The following FRMD4A variants were observed in gnomAD, a reference collection of about 807,000 sequenced individuals.
FRMD4A encodes the protein FERM domain containing 4A.
In FRMD4A, 29 loss-of-function variants were observed where a neutral mutation model predicts 129.1. That is an observed-to-expected ratio of 0.22 (90% CI 0.17 to 0.31). The LOEUF (loss-of-function observed/expected upper bound fraction) is 0.31, where lower values mean the gene tolerates loss of function less well. Among genes scored for constraint, FRMD4A ranks in the 10% least tolerant of loss-of-function variants. The probability of loss-of-function intolerance (pLI) is 1.00; values close to 1 mark genes in which losing one functional copy is unlikely to be tolerated. For synonymous variants in FRMD4A, 634 were observed against 571.6 expected, an observed-to-expected ratio of 1.11 and a Z score of -1.56; for missense variants, 1,272 against 1,375.8, an observed-to-expected ratio of 0.92 and a Z score of 1.19.
intron 2 of FRMD4A, among the ~76,000 whole-genome samples, chr10:14,161,543 T>G (rs374693443): frequency 3.8e-4 from 58 of 152,300 alleles, no homozygotes; most frequent in African/African-American, 1.3e-3. Flanking sequence ...ACGGAGGTCA[T>G]TATGAAATAA....
chr10:14,150,585 G>T (rs1422175317), intron 2 of FRMD4A, among the ~76,000 whole-genome samples: 1 of 152,096 alleles, frequency 6.6e-6, no homozygotes, highest in Non-Finnish European at 1.5e-5. Flanking sequence ...AGTTCCTAAA[G>T]ATTTCACTCA....
At chr10:14,082,295 C>G (rs1276979259) in intron 2 of FRMD4A, among the ~76,000 whole-genome samples, 1 of 152,116 alleles carries the variant, frequency 6.6e-6, no homozygotes, top group Non-Finnish European at 1.5e-5. Flanking sequence ...ATAGCCCAGG[C>G]TTGGATTCTG....
chr10:14,240,076 T>C (rs1462331022), intron 2 of FRMD4A, among the ~76,000 whole-genome samples: 1 of 152,208 alleles, frequency 6.6e-6, no homozygotes, highest in Non-Finnish European at 1.5e-5. Flanking sequence ...CTATTGATAA[T>C]AGAGTCTACT....
At chr10:13,789,746 T>C (rs1312538683) in intron 5 of FRMD4A, among the ~76,000 whole-genome samples, 3 of 134,026 alleles carry the variant, frequency 2.2e-5, no homozygotes, top group African/African-American at 8.1e-5. Flanking sequence ...TGGTCATATA[T>C]TGACCGCTGC....
At position 13,675,948 on chromosome 10, in the gene FRMD4A, G is replaced by A. The variant is rs140217281; in HGVS notation, c.1118-904C>T. 5 of 152,088 alleles carry A rather than the reference G, an allele frequency of 3.3e-5. No homozygotes were observed. In the East Asian group the frequency reaches 9.6e-4, roughly 29 times the overall value. 9.4% of individuals were successfully genotyped at this position (152,088 alleles called of 1,614,324 possible). ...TTTTTAACTTCATGTTTTGTATCAT[G>A]AGCAAATTCCCTCCTAATAAAAGTT... On this transcript the variant is annotated intron_variant, in intron 15 of 24. Transcript: ENST00000357447.
chr10:13,995,386 A>G (rs1318162884), intron 2 of FRMD4A, among the ~76,000 whole-genome samples: 1 of 152,168 alleles, frequency 6.6e-6, no homozygotes, highest in East Asian at 1.9e-4. Context: ...GAGTTTTGAG[A>G]CCAGCCTGGC....
chr10:14,126,736 G>A (rs1035741523), intron 2 of FRMD4A, among the ~76,000 whole-genome samples: 5 of 152,224 alleles, frequency 3.3e-5, no homozygotes, highest in Non-Finnish European at 1.5e-5. Context: ...TCACCTTGCA[G>A]AGAGGATTGG....
In FRMD4A at chr10:14,033,294, G is replaced by A. The variant is rs140762446; in HGVS notation, c.46-174382C>T. Among the ~76,000 whole-genome samples the A allele has an allele frequency of 4.3e-3, 597 of 139,126 alleles. 1 individual carries two copies. The highest frequency in any genetic ancestry group is 0.014 in the African/African-American group (536 of 38,006). 91.3% of individuals were successfully genotyped at this position (139,126 alleles called of 152,430 possible). On this transcript the variant is annotated intron_variant, in intron 2 of 24. Coordinates refer to ENST00000357447, the MANE Select transcript of FRMD4A (RefSeq NM_018027.5). ...TGCACTCCAGACTGGCCAACAGAGC[G>A]AGACTGTGTCTCAAAAAAAAAAAAA...
At chr10:13,654,878 C>A in intron 22 of FRMD4A, 1 of 259,886 alleles carries the variant, frequency 3.8e-6, no homozygotes, top group South Asian at 9.2e-5. Context: ...GTCCTTTGAG[C>A]GAGACCTGAG....
intron 2 of FRMD4A, among the ~76,000 whole-genome samples, chr10:13,954,019 T>C (rs1337680181): frequency 1.3e-5 from 2 of 152,188 alleles, no homozygotes; most frequent in African/African-American, 4.8e-5. Context: ...ATCCCTTCTC[T>C]ACAAAAACAA....
intron 9 of FRMD4A, 119 bp from the exon 10 acceptor site, chr10:13,740,696 T>C: frequency 1.6e-6 from 1 of 637,254 alleles, no homozygotes; most frequent in East Asian, 2.7e-5. Flanking sequence ...CAACAGCTCC[T>C]GGAAAAATGA....
chr10:14,188,444 T>C (rs1246189228), intron 2 of FRMD4A, among the ~76,000 whole-genome samples: 3 of 152,204 alleles, frequency 2.0e-5, no homozygotes, highest in Admixed American at 2.0e-4. Context: ...TCCTTTCCTA[T>C]TTGCCTCCCG....
In FRMD4A at chr10:13,660,349, T is replaced by G; in HGVS notation, c.1865A>C (p.Lys622Thr). The G allele has an allele frequency of 6.2e-7, 1 of 1,613,908 alleles. No individual in the cohort carries two copies. Among genetic ancestry groups the G allele is most frequent in the Non-Finnish European group, 8.5e-7 (1 of 1,179,790 alleles). Residue 622 changes from lysine (K) to threonine (T), a missense_variant, in exon 20 of 25, where the codon AAG becomes ACG. By Grantham distance (78) the Lys-to-Thr change is moderately conservative (BLOSUM62 -1). Coordinates refer to ENST00000357447, the MANE Select transcript of FRMD4A (RefSeq NM_018027.5). ...SESSLDEPYE[K>T]VKKRSSHSHS... Reference sequence around the variant, plus strand: ...GCTGTGAGAGGAGCGCTTCTTGACCTTCTCATAGGGTTCATCTAAAGAGGA... The same window carrying G: ...GCTGTGAGAGGAGCGCTTCTTGACCGTCTCATAGGGTTCATCTAAAGAGGA...
At chr10:14,109,041 T>G (rs925549212) in intron 2 of FRMD4A, among the ~76,000 whole-genome samples, 1 of 152,170 alleles carries the variant, frequency 6.6e-6, no homozygotes, top group Non-Finnish European at 1.5e-5. Context: ...GTTCATATCC[T>G]ATCTCTTATT....
chr10:14,304,740 G>A (rs1419786889), intron 2 of FRMD4A, among the ~76,000 whole-genome samples: 1 of 152,180 alleles, frequency 6.6e-6, no homozygotes, highest in Non-Finnish European at 1.5e-5. Flanking sequence ...CAGGCAGTGG[G>A]AGAACTTTCT....
chr10:13,672,214 A>G (rs1286741185), intron 16 of FRMD4A, among the ~76,000 whole-genome samples: 1 of 152,170 alleles, frequency 6.6e-6, no homozygotes, highest in African/African-American at 2.4e-5. Context: ...TGGACTTTAT[A>G]TTCCTCAATG....
chr10:14,009,565 C>T (rs998683217), intron 2 of FRMD4A, among the ~76,000 whole-genome samples: 5 of 151,952 alleles, frequency 3.3e-5, no homozygotes, highest in African/African-American at 1.2e-4. Flanking sequence ...GGGTGGGGTG[C>T]GAAGGAAAGA....
At chr10:13,872,073 G>A (rs1290306709) in intron 2 of FRMD4A, among the ~76,000 whole-genome samples, 2 of 152,250 alleles carry the variant, frequency 1.3e-5, no homozygotes, top group Non-Finnish European at 2.9e-5. Flanking sequence ...GATGAGGAAC[G>A]CTGCACATAA....
chr10:14,150,662 T>C (rs976292618), intron 2 of FRMD4A, among the ~76,000 whole-genome samples: 1 of 152,224 alleles, frequency 6.6e-6, no homozygotes, highest in Non-Finnish European at 1.5e-5. Context: ...TTTTCGTTTC[T>C]CTGTGCATAT....
Sources: allele counts gnomAD v4.1 joint callset (sites outside exome capture counted in the v4.1 genomes callset), GRCh38; gene constraint gnomAD v4.1.1; transcripts MANE v1.5; gene names NCBI Gene and HGNC (gene_info 2026-07-23, HGNC 2026-07-21).